RCAN1: variants seen among roughly 807,000 people sequenced by gnomAD.
RCAN1 encodes regulator of calcineurin 1.
RCAN1 carries 11 observed loss-of-function variants against 22.9 expected under a neutral mutation model. That is an observed-to-expected ratio of 0.48 (90% CI 0.30 to 0.79). RCAN1 has a LOEUF of 0.79. Ranked by LOEUF, RCAN1 falls within the 30% of genes least tolerant of loss-of-function variation. The pLI is 0.06. For missense variants in RCAN1, 291 were observed against 337.8 expected (o/e 0.86, Z 1.09); for synonymous variants, 136 against 142.3 (o/e 0.96, Z 0.32).
At chr21:34,578,984 G>C (rs1987510316) in intron 1 of RCAN1, among the ~76,000 whole-genome samples, 1 of 152,038 alleles carries the variant, frequency 6.6e-6, no homozygotes, top group South Asian at 2.1e-4. Flanking sequence ...ACAACAAACA[G>C]ACAAACAAAA....
chr21:34,561,509 C>G (rs1452468590), intron 1 of RCAN1, among the ~76,000 whole-genome samples: 1 of 152,188 alleles, frequency 6.6e-6, no homozygotes, highest in Non-Finnish European at 1.5e-5. Context: ...TTCTAATGCT[C>G]TCTACCTAAA....
intron 1 of RCAN1, among the ~76,000 whole-genome samples, chr21:34,588,599 T>C (rs1029878716): frequency 3.9e-5 from 6 of 152,196 alleles, no homozygotes; most frequent in Admixed American, 3.9e-4. Flanking sequence ...TAAAATGGTG[T>C]AGCCACTGTG....
intron 1 of RCAN1, among the ~76,000 whole-genome samples, chr21:34,571,051 T>C (rs1987218027): frequency 6.6e-6 from 1 of 152,084 alleles, no homozygotes; most frequent in African/African-American, 2.4e-5. Context: ...CCCAGCACTT[T>C]GGGAGGCCGA....
intron 1 of RCAN1, among the ~76,000 whole-genome samples, chr21:34,561,494 T>C (rs1986788661): frequency 6.6e-6 from 1 of 152,200 alleles, no homozygotes; most frequent in African/African-American, 2.4e-5. Context: ...TTATTTTAGA[T>C]ATTATTCTAA....
At chr21:34,550,642 C>T (rs1262941615) in intron 1 of RCAN1, among the ~76,000 whole-genome samples, 1 of 152,178 alleles carries the variant, frequency 6.6e-6, no homozygotes, top group Admixed American at 6.5e-5. Flanking sequence ...CAACACATTT[C>T]TGTTGTTTAA....
In RCAN1 at chr21:34,516,793, T is replaced by C. The variant is rs1184771825; in HGVS notation, c.*1291A>G. The C allele has an allele frequency of 6.6e-6, 1 of 152,402 alleles. No individual in the cohort carries two copies. Among genetic ancestry groups the C allele is most frequent in the Non-Finnish European group, 1.5e-5 (1 of 68,046 alleles). The allele number at this position is 152,402 out of a possible 1,614,324, so 9.4% of individuals were successfully genotyped here. On this transcript the variant is annotated 3_prime_UTR_variant, in exon 4 of 4. Coordinates refer to ENST00000313806, the MANE Select transcript of RCAN1 (RefSeq NM_004414.7). ...ATTAAGTATTTCAAAATGACAAACATTGTTACGGTATTGTAAGGCCAAAAT... is the reference window on the plus strand; with the variant it reads ...ATTAAGTATTTCAAAATGACAAACACTGTTACGGTATTGTAAGGCCAAAAT...
chr21:34,610,678 C>A (rs1166448890), intron 1 of RCAN1, among the ~76,000 whole-genome samples: 1 of 152,124 alleles, frequency 6.6e-6, no homozygotes, highest in African/African-American at 2.4e-5. Context: ...CGATTCCCAG[C>A]CCCAGAGATT....
chr21:34,559,811 G>A (rs1046566290), intron 1 of RCAN1: 6 of 152,134 alleles, frequency 3.9e-5, no homozygotes, highest in South Asian at 2.1e-4. Context: ...CTTGCCTAAG[G>A]TCAGGCAGCT....
intron 2 of RCAN1, chr21:34,521,875 G>A (rs1481020462): frequency 2.4e-5 from 13 of 548,076 alleles, no homozygotes. Flanking sequence ...CCCCCTCCCA[G>A]GGCTATGGGA....
In RCAN1 at chr21:34,526,899, C is replaced by T. The variant is rs1601137852; in HGVS notation, c.253-3189G>A. On this transcript the variant is annotated intron_variant, in intron 1 of 3. Transcript: ENST00000313806. ...CTCCCTGGGGAAAAAAAAAGTGCAGCTTCCACAGCATCCTGTTTGGACAGC... is the reference window on the plus strand; with the variant it reads ...CTCCCTGGGGAAAAAAAAAGTGCAGTTTCCACAGCATCCTGTTTGGACAGC... 6 of 1,451,594 alleles carry T rather than the reference C, an allele frequency of 4.1e-6. No individual in the cohort carries two copies. In the East Asian group the frequency reaches 1.6e-4, roughly 39 times the overall value. The allele number at this position is 1,451,594 out of a possible 1,614,324, so 89.9% of individuals were successfully genotyped here.
Position 34,614,681 on chromosome 21 carries a change from G to A in RCAN1, c.252+79C>T. 7.9e-7 allele frequency: 1 copy of A among 1,264,260 alleles called. No homozygotes were observed. The highest frequency in any genetic ancestry group is 1.0e-6 in the Non-Finnish European group (1 of 1,001,734). 78.3% of individuals were successfully genotyped at this position (1,264,260 alleles called of 1,614,324 possible). A position where few individuals can be genotyped will look rare whatever the true frequency, so the allele number is the denominator to read the frequency against. Reference sequence around the variant, plus strand: ...CCCGCCCCGCGCGCGGCCGGGACTGGGCGCTGCGACCCGCGCCGCCTCCTC... The same window carrying A: ...CCCGCCCCGCGCGCGGCCGGGACTGAGCGCTGCGACCCGCGCCGCCTCCTC... On this transcript the variant is annotated intron_variant, in intron 1 of 3. Coordinates refer to ENST00000313806, the MANE Select transcript of RCAN1 (RefSeq NM_004414.7). The surrounding 1 kb of genome is among the most constrained non-coding windows in gnomAD (Gnocchi z 6.0).
intron 1 of RCAN1, among the ~76,000 whole-genome samples, chr21:34,570,784 A>G (rs1002706714): frequency 2.0e-5 from 3 of 152,132 alleles, no homozygotes; most frequent in South Asian, 2.1e-4. Context: ...TCCAAATACA[A>G]TTTAAAAGAG....
chr21:34,575,658 G>A (rs1218505254), intron 1 of RCAN1, among the ~76,000 whole-genome samples: 5 of 152,100 alleles, frequency 3.3e-5, no homozygotes, highest in African/African-American at 1.2e-4. Flanking sequence ...AAGCAACTGG[G>A]GTTACAGGTG....
At chr21:34,527,429 T>C (rs1027495231) in intron 1 of RCAN1, among the ~76,000 whole-genome samples, 1 of 152,244 alleles carries the variant, frequency 6.6e-6, no homozygotes, top group Non-Finnish European at 1.5e-5. Flanking sequence ...GAAGTGTAGT[T>C]AAAATTTTTT....
At chr21:34,565,756 T>C (rs1208986497) in intron 1 of RCAN1, among the ~76,000 whole-genome samples, 1 of 152,242 alleles carries the variant, frequency 6.6e-6, no homozygotes, top group African/African-American at 2.4e-5. Context: ...ATGAGCCTCC[T>C]TCTATGTGTG....
chr21:34,525,229 G>C (rs1202759741), intron 1 of RCAN1: 2 of 1,550,550 alleles, frequency 1.3e-6, no homozygotes, highest in Non-Finnish European at 1.7e-6. Flanking sequence ...GGGGCTGCGG[G>C]TAGGAGCAGG....
chr21:34,611,358 AC>A (rs1252440118), intron 1 of RCAN1, among the ~76,000 whole-genome samples: 1 of 152,256 alleles, frequency 6.6e-6, no homozygotes, highest in Non-Finnish European at 1.5e-5. Flanking sequence ...TGAATCTAAT[AC>A]ATTTAATTAA....
chr21:34,570,329 A>T (rs1479639590), intron 1 of RCAN1, among the ~76,000 whole-genome samples: 3 of 152,258 alleles, frequency 2.0e-5, no homozygotes, highest in African/African-American at 7.2e-5. Context: ...GAGCTTTTTA[A>T]GCACAAGGAT....
chr21:34,568,871 T>A lies in RCAN1; in HGVS notation c.253-45161A>T, dbSNP rs146924517. Among the ~76,000 whole-genome samples the A allele has an allele frequency of 5.4e-4, 82 of 152,336 alleles. No individual in the cohort carries two copies. In the East Asian group the frequency reaches 0.016, roughly 29 times the overall value. On this transcript the variant is annotated intron_variant, in intron 1 of 3. Transcript: ENST00000313806. ...ACCCAAGACTGGGAAGAAAAAGAAG[T>A]TTAATTGGACTTACAGTTCCACATG...
Sources: gnomAD v4.1 joint callset for allele counts (sites outside exome capture counted in the v4.1 genomes callset) on GRCh38, gnomAD v4.1.1 for gene constraint, Gnocchi (gnomAD v3.1) non-coding constraint, MANE v1.5 for transcripts, NCBI Gene and HGNC (gene_info 2026-07-23, HGNC 2026-07-21) for gene names.